Variants in ITIH4 observed in about 807,000 individuals in gnomAD.
The protein encoded by ITIH4 is inter-alpha-trypsin inhibitor heavy chain H4.
ITIH4 carries 79 observed loss-of-function variants against 111.8 expected under a neutral mutation model. The ratio of observed to expected loss-of-function variants is 0.71; its 90% CI spans 0.59 to 0.85. The LOEUF is 0.85. ITIH4 is among the 40% of genes least tolerant of loss of function. The probability of loss-of-function intolerance (pLI) is 0.00; values close to 1 mark genes in which losing one functional copy is unlikely to be tolerated. For synonymous variants in ITIH4, 472 were observed against 468.3 expected, an observed-to-expected ratio of 1.01 and a Z score of -0.10; for missense variants, 1,065 against 1,195.8, an observed-to-expected ratio of 0.89 and a Z score of 1.61.
At chr3:52,819,291 C>T in intron 17 of ITIH4, 102 bp downstream of exon 17, 1 of 1,372,008 alleles carries the variant, frequency 7.3e-7, no homozygotes, top group Non-Finnish European at 1.0e-6. Flanking sequence ...CCGTCCCTGG[C>T]CTGGCCCTGT....
chr3:52,825,204 G>T, intron 6 of ITIH4: 1 of 319,930 alleles, frequency 3.1e-6, no homozygotes, highest in Non-Finnish European at 5.7e-6. Context: ...ATTTGTTTTA[G>T]TATTTCAGAT....
At chr3:52,818,377 C>A in intron 18 of ITIH4, 85 bp downstream of exon 18, 1 of 1,574,152 alleles carries the variant, frequency 6.4e-7, no homozygotes, top group South Asian at 1.2e-5. Context: ...TGGGTTCCCT[C>A]ACTACTTCAA....
intron 2 of ITIH4, 138 bp downstream of exon 2, chr3:52,828,980 TG>T: frequency 1.5e-6 from 1 of 680,336 alleles, no homozygotes; most frequent in African/African-American, 1.8e-5. Context: ...TGTTCCTGTG[TG>T]GCCCCAGGTG....
At position 52,824,588 on chromosome 3, in the gene ITIH4, G is replaced by A. The variant is rs1700453213; in HGVS notation, c.877-23C>T. 6.3e-7 allele frequency: 1 copy of A among 1,598,488 alleles called. No individual in the cohort carries two copies. The highest frequency in any genetic ancestry group is 1.3e-5 in the African/African-American group (1 of 74,674). On this transcript the variant is annotated intron_variant, in intron 7 of 23. Coordinates refer to ENST00000266041, the MANE Select transcript of ITIH4 (RefSeq NM_002218.5). This position sits in a 1 kb window ranked among gnomAD's most constrained non-coding sequence, Gnocchi z 4.3. ...GGTCTGGTCAGGGAGAGGAAACATA[G>A]GTGCTTCAGAAGGGCTCCCTGAGGG...
chr3:52,820,828 G>A (rs776923094), intron 12 of ITIH4, 43 bp from the exon 13 acceptor site: 108 of 1,570,752 alleles, frequency 6.9e-5, no homozygotes, highest in Non-Finnish European at 8.6e-5. Context: ...CCTTGAATTC[G>A]GGAACAGATT....
chr3:52,824,653 CAG>C lies in ITIH4; in HGVS notation c.877-90_877-89del, dbSNP rs1700454140. 1.4e-6 allele frequency: 2 copies of C among 1,420,120 alleles called. No individual in the cohort carries two copies. The highest frequency in any genetic ancestry group is 1.9e-6 in the Non-Finnish European group (2 of 1,039,678). 88.0% of individuals were successfully genotyped at this position (1,420,120 alleles called of 1,614,324 possible). ...GGCTGGCATCCTTGGACTCCTGTCT[CAG>C]GGGTGAGGTCATGGTATCTGCTCTA... On this transcript the variant is annotated intron_variant, in intron 7 of 23. Transcript: ENST00000266041. The surrounding 1 kb of genome is among the most constrained non-coding windows in gnomAD (Gnocchi z 4.3).
Position 52,823,716 on chromosome 3 carries a change from G to T in ITIH4, c.1379C>A (p.Pro460Gln), listed in dbSNP as rs780988601. 1.2e-6 allele frequency: 2 copies of T among 1,614,074 alleles called. No individual in the cohort carries two copies. Among genetic ancestry groups the T allele is most frequent in the African/African-American group, 2.7e-5 (2 of 74,946 alleles). ...LQDFYQEVAN[P>Q]LLTAVTFEYP... is the part of the protein sequence containing the mutation. ...CTCGAAGGTCACTGCTGTCAGCAGT[G>T]GGTTGGCCACTTCCTGGTAGAAGTC... The change falls in exon 11 of 24, where the codon CCA becomes CAA. Residue 460 changes from proline to glutamine, a missense_variant. Coordinates refer to ENST00000266041, the MANE Select transcript of ITIH4 (RefSeq NM_002218.5).
In ITIH4 at chr3:52,819,876, C is replaced by T. The variant is rs768026033; in HGVS notation, c.1912+64G>A. 4.4e-6 allele frequency: 7 copies of T among 1,604,106 alleles called. No homozygotes were observed. In the Middle Eastern group the frequency reaches 5.0e-4, roughly 114 times the overall value. On this transcript the variant is annotated intron_variant, in intron 15 of 23. Coordinates refer to ENST00000266041, the MANE Select transcript of ITIH4 (RefSeq NM_002218.5). Reference sequence around the variant, plus strand: ...CCAGAGGAGCTGGGCAAGGCACTACCCTCCACAGCCAGGACTGAGCCCAAT... The same window carrying T: ...CCAGAGGAGCTGGGCAAGGCACTACTCTCCACAGCCAGGACTGAGCCCAAT...
At position 52,814,233 on chromosome 3, in the gene ITIH4, A is replaced by C. The variant is rs911526468; in HGVS notation, c.2602T>G (p.Ser868Ala). ...CCAAGGGTCCCTCCAACGTGGCTGG[A>C]GAAGCGGTCAGTGTCACGCAGAAGG... is the stretch of plus-strand genomic sequence containing the variant. Reference protein sequence around the residue: ...RLLLRDTDRFSSHVGGTLGQF... With the variant: ...RLLLRDTDRFASHVGGTLGQF... Residue 868 changes from serine to alanine, a missense_variant, in exon 22 of 24, where the codon TCC becomes GCC. Coordinates refer to ENST00000266041, the MANE Select transcript of ITIH4 (RefSeq NM_002218.5). The C allele has an allele frequency of 1.2e-6, 2 of 1,613,364 alleles. No homozygotes were observed. Among genetic ancestry groups the C allele is most frequent in the African/African-American group, 2.7e-5 (2 of 74,910 alleles).
Position 52,814,206 on chromosome 3 carries a change from T to C in ITIH4, c.2626+3A>G. On this transcript the variant is annotated splice_donor_region_variant and intron_variant, in intron 22 of 23. Transcript: ENST00000266041. ...GCCTGGGCCCCGGTAATGGGCTCAG[T>C]ACCAAGGGTCCCTCCAACGTGGCTG... 6.2e-7 allele frequency: 1 copy of C among 1,612,878 alleles called. No homozygotes were observed. Among genetic ancestry groups the C allele is most frequent in the Non-Finnish European group, 8.5e-7 (1 of 1,179,698 alleles).
intron 16 of ITIH4, 21 bp downstream of exon 16, chr3:52,819,732 CT>C: frequency 6.2e-7 from 1 of 1,613,270 alleles, no homozygotes; most frequent in Non-Finnish European, 8.5e-7. Flanking sequence ...ATGCCTCCCC[CT>C]GGCAGAAACC....
intron 6 of ITIH4, among the ~76,000 whole-genome samples, 168 bp downstream of exon 6, chr3:52,825,718 T>C (rs949200170): frequency 1.3e-5 from 2 of 152,172 alleles, no homozygotes; most frequent in Admixed American, 1.3e-4. Context: ...GGAAAGGGAA[T>C]AGTTTCAGGG....
At chr3:52,827,229 C>T (rs1700497057) in intron 2 of ITIH4, 32 bp from the exon 3 acceptor site, 1 of 1,568,348 alleles carries the variant, frequency 6.4e-7, no homozygotes. Flanking sequence ...TTGTTGAGAG[C>T]CTGGTGGCAG....
At chr3:52,818,354 G>A (rs972733038) in intron 18 of ITIH4, 71 bp from the exon 19 acceptor site, 2 of 1,570,414 alleles carry the variant, frequency 1.3e-6, no homozygotes, top group East Asian at 2.2e-5. Context: ...AGGGAGCAGT[G>A]ACTAGGTGTG....
At chr3:52,825,842 G>A (rs1268585857) in intron 6 of ITIH4, 44 bp downstream of exon 6, 1 of 1,584,732 alleles carries the variant, frequency 6.3e-7, no homozygotes, top group African/African-American at 1.4e-5. Context: ...CTTGGGGGTG[G>A]ACAGACTTCT....
chr3:52,813,390 T>C lies in ITIH4; in HGVS notation c.*31A>G, dbSNP rs556227469. On this transcript the variant is annotated 3_prime_UTR_variant, in exon 24 of 24. Coordinates refer to ENST00000266041, the MANE Select transcript of ITIH4 (RefSeq NM_002218.5). ...TGCAGTTGCAGGGGGAAGCCAAGTG[T>C]ACAGGGTGGGCACAGCTCCTTCCAT... 7.5e-6 allele frequency: 12 copies of C among 1,607,658 alleles called. No individual in the cohort carries two copies. In the African/African-American group the frequency reaches 1.3e-4, roughly 18 times the overall value.
intron 14 of ITIH4, 39 bp from the exon 15 acceptor site, chr3:52,820,029 ACCTT>A: frequency 6.2e-7 from 1 of 1,601,838 alleles, no homozygotes; most frequent in African/African-American, 1.3e-5. Context: ...TCTTGCACCC[ACCTT>A]CCTGTGGCCC....
intron 17 of ITIH4, 164 bp downstream of exon 17, chr3:52,819,229 A>G: frequency 1.4e-6 from 1 of 734,322 alleles, no homozygotes; most frequent in Non-Finnish European, 2.2e-6. Flanking sequence ...GCCCCAGTAA[A>G]TGATCCCAGG....
At chr3:52,817,269 G>A (rs1257045828) in intron 20 of ITIH4, among the ~76,000 whole-genome samples, 1 of 152,192 alleles carries the variant, frequency 6.6e-6, no homozygotes, top group Non-Finnish European at 1.5e-5. Context: ...GGCTTTGGAG[G>A]GGCCCCTAAA....
Sources: allele counts gnomAD v4.1 joint callset (sites outside exome capture counted in the v4.1 genomes callset), GRCh38; gene constraint gnomAD v4.1.1; non-coding constraint Gnocchi (gnomAD v3.1); transcripts MANE v1.5; gene names NCBI Gene and HGNC (gene_info 2026-07-23, HGNC 2026-07-21).